ACTR3: variants seen among roughly 807,000 people sequenced by gnomAD.
The protein encoded by ACTR3 is actin related protein 3.
A neutral mutation model predicts 56.8 loss-of-function variants in ACTR3; 12 were observed. The observed-to-expected ratio is 0.21, with a 90% CI of 0.14 to 0.34. ACTR3 has a LOEUF of 0.34. Ranked by LOEUF, ACTR3 falls within the 10% of genes least tolerant of loss-of-function variation. The pLI is 1.00. For missense variants in ACTR3, 282 were observed against 512.5 expected (o/e 0.55, Z 4.34); for synonymous variants, 162 against 167.4 (o/e 0.97, Z 0.25).
At chr2:113,945,516 A>T (rs995602723) in intron 8 of ACTR3, among the ~76,000 whole-genome samples, 2 of 152,166 alleles carry the variant, frequency 1.3e-5, no homozygotes, top group African/African-American at 4.8e-5. Flanking sequence ...AATCAATAGT[A>T]TTGTAATATT....
In ACTR3 at chr2:113,955,613, C is replaced by A; in HGVS notation, c.1078-10C>A. On this transcript the variant is annotated splice_polypyrimidine_tract_variant and intron_variant, in intron 10 of 11. Coordinates refer to ENST00000263238, the MANE Select transcript of ACTR3 (RefSeq NM_005721.5). ...TACTATGAAGATGATCATACTATGT[C>A]TTTCTTTAGCCAAAACCTATTGATG... 1 of 1,601,386 alleles carries A rather than the reference C, an allele frequency of 6.2e-7. No individual in the cohort carries two copies. The highest frequency in any genetic ancestry group is 8.5e-7 in the Non-Finnish European group (1 of 1,170,636).
At chr2:113,893,031 T>TA (rs1477132506) in intron 1 of ACTR3, among the ~76,000 whole-genome samples, 2 of 148,602 alleles carry the variant, frequency 1.3e-5, no homozygotes, top group African/African-American at 2.5e-5. Context: ...TTGATACCCT[T>TA]ATCTACACAC....
At chr2:113,910,314 C>T (rs1334561981) in intron 1 of ACTR3, among the ~76,000 whole-genome samples, 2 of 152,090 alleles carry the variant, frequency 1.3e-5, no homozygotes, top group East Asian at 3.8e-4. Context: ...GTGGTACGCT[C>T]GAGAGGGTGT....
intron 5 of ACTR3, 82 bp downstream of exon 5, chr2:113,931,478 T>TC: frequency 1.1e-6 from 1 of 876,226 alleles, no homozygotes; most frequent in Non-Finnish European, 1.7e-6. Flanking sequence ...TACTTTTTTT[T>TC]TTTTTCTGCA....
chr2:113,928,063 AC>A (rs1679652385), intron 4 of ACTR3, among the ~76,000 whole-genome samples: 1 of 152,082 alleles, frequency 6.6e-6, no homozygotes, highest in African/African-American at 2.4e-5. Context: ...AGAATATTAT[AC>A]ATTATTTACC....
At chr2:113,905,057 T>C (rs954687711) in intron 1 of ACTR3, 2 of 152,236 alleles carry the variant, frequency 1.3e-5, no homozygotes, top group Non-Finnish European at 2.9e-5. Flanking sequence ...TTTTACATAG[T>C]TGAAATAACC....
chr2:113,955,770 G>T, intron 11 of ACTR3, 64 bp downstream of exon 11: 1 of 1,343,030 alleles, frequency 7.4e-7, no homozygotes, highest in Admixed American at 1.9e-5. Flanking sequence ...TTTTTGAGGT[G>T]GACTTTCGCT....
At chr2:113,895,384 A>G (rs893474218) in intron 1 of ACTR3, among the ~76,000 whole-genome samples, 3 of 152,212 alleles carry the variant, frequency 2.0e-5, no homozygotes, top group Non-Finnish European at 2.9e-5. Flanking sequence ...TCCGTAGAAG[A>G]TGAACGTTTG....
chr2:113,918,369 A>AT (rs964188417), intron 3 of ACTR3, among the ~76,000 whole-genome samples: 1 of 147,108 alleles, frequency 6.8e-6, no homozygotes, highest in Non-Finnish European at 1.5e-5. Context: ...GTACTTGAAG[A>AT]TTTTTTTCTT....
At chr2:113,945,599 T>A (rs932634544) in intron 8 of ACTR3, among the ~76,000 whole-genome samples, 1 of 152,252 alleles carries the variant, frequency 6.6e-6, no homozygotes, top group South Asian at 2.1e-4. Flanking sequence ...CCCTTAAAAT[T>A]CAGCTTTTCC....
chr2:113,929,687 C>CT (rs918837282), intron 4 of ACTR3, among the ~76,000 whole-genome samples: 10 of 151,034 alleles, frequency 6.6e-5, no homozygotes, highest in Non-Finnish European at 8.9e-5. Flanking sequence ...ATCTTTTATA[C>CT]TTTTTTTTTG....
rs1053851612 is a variant in ACTR3, at chr2:113,959,114, C to G, written c.*1659C>G. ...TTATAAAAATACTATTCAAACAGTA[C>G]CAAAGAGTAGATTAGCAAAAGTAAG... is the stretch of plus-strand genomic sequence containing the variant. On this transcript the variant is annotated 3_prime_UTR_variant, in exon 12 of 12. Transcript: ENST00000263238. 5.9e-5 allele frequency: 9 copies of G among 151,882 alleles called. No homozygotes were observed. Among genetic ancestry groups the G allele is most frequent in the African/African-American group, 2.2e-4 (9 of 41,384 alleles). The allele number at this position is 151,882 out of a possible 1,614,324, so 9.4% of individuals were successfully genotyped here. A position where few individuals can be genotyped will look rare whatever the true frequency, so the allele number is the denominator to read the frequency against.
intron 3 of ACTR3, among the ~76,000 whole-genome samples, chr2:113,920,951 T>TA (rs1679495412): frequency 6.6e-6 from 1 of 152,192 alleles, no homozygotes; most frequent in South Asian, 2.1e-4. Flanking sequence ...GTATCTTTGA[T>TA]ATAGTAATTT....
chr2:113,930,999 A>G (rs1431614498), intron 4 of ACTR3, among the ~76,000 whole-genome samples: 2 of 151,436 alleles, frequency 1.3e-5, no homozygotes, highest in Non-Finnish European at 2.9e-5. Context: ...CCTTTTCCCT[A>G]CCTCCAACCC....
intron 1 of ACTR3, among the ~76,000 whole-genome samples, chr2:113,891,358 T>C (rs957242284): frequency 2.0e-4 from 30 of 151,596 alleles, no homozygotes; most frequent in African/African-American, 4.7e-4. Context: ...CGTAGATATG[T>C]AGGGTAGTTT....
intron 8 of ACTR3, among the ~76,000 whole-genome samples, chr2:113,948,252 T>C (rs1187782690): frequency 6.6e-6 from 1 of 152,146 alleles, no homozygotes; most frequent in African/African-American, 2.4e-5. Context: ...CAGGCTCAGG[T>C]GATCCTCTCA....
intron 2 of ACTR3, among the ~76,000 whole-genome samples, chr2:113,915,068 C>T (rs567320616): frequency 1.3e-5 from 2 of 152,158 alleles, no homozygotes; most frequent in African/African-American, 4.8e-5. Flanking sequence ...AGAGGTACTT[C>T]TTTGGGCTAG....
intron 1 of ACTR3, among the ~76,000 whole-genome samples, chr2:113,907,976 C>CA (rs70937249): frequency 0.021 from 1,437 of 69,004 alleles, 30 homozygotes; most frequent in Middle Eastern, 0.031. Flanking sequence ...CTCTGTCCCC[C>CA]AAAAAAAAAA....
chr2:113,949,059 G>A (rs1405706690), intron 8 of ACTR3, among the ~76,000 whole-genome samples: 3 of 87,596 alleles, frequency 3.4e-5, no homozygotes, highest in African/African-American at 2.2e-4. Context: ...TGCGCAGCCT[G>A]TAAATAATTT....
Sources: gnomAD v4.1 joint callset for allele counts (sites outside exome capture counted in the v4.1 genomes callset) on GRCh38, gnomAD v4.1.1 for gene constraint, MANE v1.5 for transcripts, NCBI Gene and HGNC (gene_info 2026-07-23, HGNC 2026-07-21) for gene names.